WARS1: variants seen among roughly 807,000 people sequenced by gnomAD.
WARS1 encodes tryptophanyl-tRNA synthetase 1.
A neutral mutation model predicts 47.8 loss-of-function variants in WARS1; 17 were observed. The observed-to-expected ratio is 0.36, with a 90% confidence interval of 0.24 to 0.53. WARS1 has a LOEUF of 0.53. WARS1 is among the 20% of genes least tolerant of loss of function. WARS1 has a pLI of 0.91. For synonymous variants in WARS1, 208 were observed against 228.1 expected, an observed-to-expected ratio of 0.91 and a Z score of 0.79; for missense variants, 434 against 608.0, an observed-to-expected ratio of 0.71 and a Z score of 3.01.
intron 1 of WARS1, among the ~76,000 whole-genome samples, chr14:100,374,452 T>C (rs1480890643): frequency 1.3e-5 from 2 of 152,242 alleles, no homozygotes; most frequent in African/African-American, 4.8e-5. Context: ...TTGAATCTTG[T>C]GCTCATTCTG....
intron 2 of WARS1, 136 bp downstream of exon 2, chr14:100,368,951 A>C: frequency 2.1e-6 from 1 of 478,672 alleles, no homozygotes; most frequent in Non-Finnish European, 3.3e-6. Context: ...ACAAGAGTGA[A>C]ATTCCCTCTC....
rs750763779 is a variant in WARS1 at position 100,337,351 on chromosome 14, C to T, written c.1114-149G>A. On this transcript the variant is annotated intron_variant, in intron 9 of 10. Coordinates refer to ENST00000392882, the MANE Select transcript of WARS1 (RefSeq NM_004184.4). ...GCCAAGGCGCACAGCCGGTTGGGGG[C>T]GCACAGCCAGTGGGGGACCCACTGC... 2.6e-4 allele frequency: 303 copies of T among 1,155,284 alleles called. 1 individual carries two copies. Among genetic ancestry groups the T allele is most frequent in the Non-Finnish European group, 3.3e-4 (273 of 825,106 alleles). 71.6% of individuals were successfully genotyped at this position (1,155,284 alleles called of 1,614,324 possible).
chr14:100,366,031 C>A (rs536921575), intron 2 of WARS1: 3 of 456,026 alleles, frequency 6.6e-6, no homozygotes, highest in East Asian at 1.4e-4. Context: ...TATTGAGAAT[C>A]CCTCTCCCCT....
chr14:100,346,585 A>G (rs1329931954), intron 7 of WARS1, among the ~76,000 whole-genome samples, 161 bp downstream of exon 7: 5 of 152,220 alleles, frequency 3.3e-5, no homozygotes, highest in Non-Finnish European at 5.9e-5. Context: ...GTCAGATTCC[A>G]GGACAACGAT....
At position 100,337,047 on chromosome 14, in the gene WARS1, G is replaced by A. The variant is rs1263384437; in HGVS notation, c.1254+15C>T. The A allele has an allele frequency of 1.2e-6, 2 of 1,608,620 alleles. No individual in the cohort carries two copies. The highest frequency in any genetic ancestry group is 1.3e-5 in the African/African-American group (1 of 74,974). On this transcript the variant is annotated intron_variant, in intron 10 of 10. Transcript: ENST00000392882. The stretch of plus-strand genomic sequence containing the variant: ...GGCAGAAGGCGGCTGTGGGCCCTTG[G>A]GGTTCCCTGCTCACCTTCCTGATCT...
At position 100,373,350 on chromosome 14, in the gene WARS1, T is replaced by C. The variant is rs1162201616; in HGVS notation, c.-74+1933A>G. ...ATCTAAGGAGAGCCAGGCTGGTCTCTTGGGGTCTCCTCCAGGTCTCCCAAC... is the reference window on the plus strand; with the variant it reads ...ATCTAAGGAGAGCCAGGCTGGTCTCCTGGGGTCTCCTCCAGGTCTCCCAAC... On this transcript the variant is annotated intron_variant, in intron 1 of 10. Transcript: ENST00000392882. This position sits in a 1 kb window ranked among gnomAD's most constrained non-coding sequence, Gnocchi z 4.4. 2.6e-5 allele frequency among the ~76,000 whole-genome samples: 4 copies of C among 152,204 alleles called. No individual in the cohort carries two copies. The highest frequency in any genetic ancestry group is 1.3e-4 in the Admixed American group (2 of 15,278).
chr14:100,350,496 G>A (rs1024087645), intron 6 of WARS1, among the ~76,000 whole-genome samples: 7 of 151,658 alleles, frequency 4.6e-5, no homozygotes, highest in African/African-American at 9.7e-5. Flanking sequence ...GAGGAATGGC[G>A]GCCTCACTCC....
In WARS1 at chr14:100,356,559, C is replaced by T. The variant is rs890367770; in HGVS notation, c.423-1993G>A. ...CATTAGATAACCTTGATGAAATAGA[C>T]AAATTCCTAGAAACAAACTACTGAA... On this transcript the variant is annotated intron_variant, in intron 4 of 10. Coordinates refer to ENST00000392882, the MANE Select transcript of WARS1 (RefSeq NM_004184.4). Among the ~76,000 whole-genome samples, 6 of 152,138 alleles carry T rather than the reference C, an allele frequency of 3.9e-5. No homozygotes were observed. In the South Asian group the frequency reaches 1.2e-3, roughly 32 times the overall value.
At chr14:100,367,281 G>A (rs1340668117) in intron 2 of WARS1, among the ~76,000 whole-genome samples, 5 of 152,004 alleles carry the variant, frequency 3.3e-5, no homozygotes, top group African/African-American at 7.2e-5. Flanking sequence ...GAGAATTAAC[G>A]GCCATGAGTT....
chr14:100,365,848 G>A, intron 2 of WARS1: 2 of 352,302 alleles, frequency 5.7e-6, no homozygotes, highest in Non-Finnish European at 1.1e-5. Flanking sequence ...AACAGCATGA[G>A]AGAAAAACAA....
At chr14:100,368,292 A>G (rs1896131013) in intron 2 of WARS1, 2 of 356,246 alleles carry the variant, frequency 5.6e-6, no homozygotes, top group African/African-American at 2.1e-5. Flanking sequence ...CGAGAAAGTT[A>G]GAGTACTCAT....
intron 9 of WARS1, 183 bp downstream of exon 9, chr14:100,342,215 T>G: frequency 1.3e-6 from 1 of 744,496 alleles, no homozygotes; most frequent in Non-Finnish European, 2.3e-6. Flanking sequence ...ACCTGATTCA[T>G]GTGGGAAGGA....
intron 9 of WARS1, among the ~76,000 whole-genome samples, chr14:100,337,844 C>T (rs1380745386): frequency 1.3e-5 from 2 of 151,852 alleles, no homozygotes; most frequent in African/African-American, 4.8e-5. Flanking sequence ...GGCGACAGAG[C>T]AAGACCTTGT....
At chr14:100,362,836 T>C (rs1895738417) in intron 2 of WARS1, among the ~76,000 whole-genome samples, 1 of 152,238 alleles carries the variant, frequency 6.6e-6, no homozygotes, top group African/African-American at 2.4e-5. Flanking sequence ...TTTTACCATA[T>C]ACAGAATGTT....
At chr14:100,361,273 T>C (rs779783978) in intron 3 of WARS1, among the ~76,000 whole-genome samples, 31 of 152,376 alleles carry the variant, frequency 2.0e-4, no homozygotes, top group Middle Eastern at 6.8e-3. Context: ...AGGAAGGGCA[T>C]GACAGTAAGA....
At chr14:100,354,291 G>A in intron 5 of WARS1, 156 bp downstream of exon 5, 3 of 1,104,038 alleles carry the variant, frequency 2.7e-6, no homozygotes, top group Non-Finnish European at 3.8e-6. Flanking sequence ...GTGAGCCCAG[G>A]AACAAAGTGA....
intron 9 of WARS1, 48 bp downstream of exon 9, chr14:100,342,350 G>T (rs1483898813): frequency 6.2e-7 from 1 of 1,609,922 alleles, no homozygotes; most frequent in Non-Finnish European, 8.5e-7. Context: ...GCCCCCCAGG[G>T]CATGTTTCTG....
At chr14:100,338,029 C>T (rs1893870671) in intron 9 of WARS1, among the ~76,000 whole-genome samples, 2 of 151,996 alleles carry the variant, frequency 1.3e-5, no homozygotes, top group Non-Finnish European at 2.9e-5. Flanking sequence ...AACAAGAAGG[C>T]ACAGGGTAAG....
intron 9 of WARS1, among the ~76,000 whole-genome samples, chr14:100,337,824 C>T (rs542107468): frequency 6.6e-5 from 10 of 151,956 alleles, no homozygotes; most frequent in African/African-American, 2.2e-4. Context: ...CATCACTGCA[C>T]GCCAGCCTCG....
Sources: gnomAD v4.1 joint callset for allele counts (sites outside exome capture counted in the v4.1 genomes callset) on GRCh38, gnomAD v4.1.1 for gene constraint, Gnocchi (gnomAD v3.1) non-coding constraint, MANE v1.5 for transcripts, NCBI Gene and HGNC (gene_info 2026-07-23, HGNC 2026-07-21) for gene names.